The following PARVB variants were observed in gnomAD, a reference collection of about 807,000 sequenced individuals.
PARVB encodes the protein parvin beta.
Under a neutral mutation model 47.0 loss-of-function variants are expected in PARVB, and 46 were observed. The ratio of observed to expected loss-of-function variants is 0.98; its 90% CI spans 0.77 to 1.25. PARVB has a LOEUF of 1.25. PARVB is among the 50% of genes most tolerant of loss of function. The pLI, the probability that PARVB is intolerant of heterozygous loss-of-function variation, is 0.00. For synonymous variants in PARVB, 196 were observed against 196.3 expected, an observed-to-expected ratio of 1.00 and a Z score of 0.01; for missense variants, 473 against 471.6, an observed-to-expected ratio of 1.00 and a Z score of -0.03.
chr22:44,157,288 GC>G (rs2053956360), intron 10 of PARVB, among the ~76,000 whole-genome samples: 1 of 152,134 alleles, frequency 6.6e-6, no homozygotes, highest in Non-Finnish European at 1.5e-5. Context: ...TGTGCCAGGT[GC>G]TCCCTCCCAG....
chr22:44,074,166 G>A (rs1035203769), intron 1 of PARVB, among the ~76,000 whole-genome samples: 9 of 152,180 alleles, frequency 5.9e-5, no homozygotes, highest in Admixed American at 4.6e-4. Flanking sequence ...ACCAGAGGAG[G>A]AGTGGTCCTC....
At chr22:44,121,391 TTTATCATCCGCTGA>T (rs2053044408) in intron 4 of PARVB, among the ~76,000 whole-genome samples, 1 of 152,154 alleles carries the variant, frequency 6.6e-6, no homozygotes, top group African/African-American at 2.4e-5. Context: ...TCCCCATGAT[TTTATCATCCGCTGA>T]TTATCATTCT....
intron 10 of PARVB, 178 bp downstream of exon 10, chr22:44,151,729 T>C: frequency 7.0e-6 from 4 of 574,026 alleles, no homozygotes; most frequent in South Asian, 3.9e-5. Context: ...CTTCCTTTCC[T>C]GGGGCTGCTG....
intron 12 of PARVB, among the ~76,000 whole-genome samples, chr22:44,167,299 A>G (rs1193750045): frequency 6.6e-6 from 1 of 152,188 alleles, no homozygotes; most frequent in Non-Finnish European, 1.5e-5. Context: ...ACTGAGGTTC[A>G]TGGGTCACAG....
At chr22:44,034,673 CTGACCCCCA>C (rs66614442) in intron 1 of PARVB, among the ~76,000 whole-genome samples, 64,516 of 148,364 alleles carry the variant, frequency 0.43, 15,033 homozygotes, top group East Asian at 0.55. Context: ...GAAAGAGGCA[CTGACCCCCA>C]TGCAGTCAGA....
chr22:44,157,941 T>G, intron 10 of PARVB, 41 bp from the exon 11 acceptor site: 1 of 1,470,788 alleles, frequency 6.8e-7, no homozygotes, highest in Non-Finnish European at 9.5e-7. Context: ...ATTTGCCAAC[T>G]CCTTACCCTG....
intron 3 of PARVB, among the ~76,000 whole-genome samples, chr22:44,118,834 T>C (rs1005284835): frequency 2.0e-5 from 3 of 152,014 alleles, no homozygotes; most frequent in African/African-American, 7.2e-5. Flanking sequence ...GTGCAGCCCC[T>C]GTCTCTGTGC....
intron 12 of PARVB, among the ~76,000 whole-genome samples, chr22:44,166,100 C>T (rs996742010): frequency 5.9e-5 from 9 of 152,182 alleles, no homozygotes; most frequent in Non-Finnish European, 1.2e-4. Flanking sequence ...GCTTCTTTGT[C>T]CTCCCGAACC....
At chr22:44,019,092 T>C (rs765581132) in intron 2 of PARVB, among the ~76,000 whole-genome samples, 39 of 152,010 alleles carry the variant, frequency 2.6e-4, no homozygotes, top group Non-Finnish European at 4.6e-4. Flanking sequence ...AATTTTTGTA[T>C]TTTTAGTAGA....
intron 1 of PARVB, among the ~76,000 whole-genome samples, chr22:44,091,330 C>T (rs138849237): frequency 6.6e-5 from 9 of 135,376 alleles, no homozygotes; most frequent in East Asian, 2.2e-4. Flanking sequence ...ATAGGCATAA[C>T]GTAAACTTTA....
intron 3 of PARVB, among the ~76,000 whole-genome samples, chr22:44,117,678 G>A (rs1157192393): frequency 1.3e-5 from 2 of 152,224 alleles, no homozygotes; most frequent in African/African-American, 4.8e-5. Flanking sequence ...AATAGAATGT[G>A]CTTCACAGAA....
intron 6 of PARVB, 97 bp downstream of exon 6, chr22:44,133,106 C>G (rs947706726): frequency 1.4e-6 from 1 of 692,778 alleles, no homozygotes. Flanking sequence ...TTTTTTCCCC[C>G]CAGGAGGCTA....
intron 1 of PARVB, among the ~76,000 whole-genome samples, chr22:44,024,802 T>G (rs2050701910): frequency 6.6e-6 from 1 of 152,030 alleles, no homozygotes; most frequent in Non-Finnish European, 1.5e-5. Flanking sequence ...GACCGTTCAT[T>G]CCATGAGCAG....
intron 11 of PARVB, among the ~76,000 whole-genome samples, chr22:44,159,964 G>A (rs371761377): frequency 2.0e-5 from 3 of 152,198 alleles, no homozygotes; most frequent in South Asian, 4.1e-4. Flanking sequence ...CCAGAGATGC[G>A]TCATGAGCTG....
chr22:44,074,115 CA>C (rs1160953708), intron 1 of PARVB, among the ~76,000 whole-genome samples: 2 of 152,150 alleles, frequency 1.3e-5, no homozygotes, highest in Non-Finnish European at 2.9e-5. Context: ...AGGCAGGAGC[CA>C]GGGGTGTGTG....
At chr22:44,134,903 G>A (rs901532976) in intron 6 of PARVB, among the ~76,000 whole-genome samples, 7 of 152,154 alleles carry the variant, frequency 4.6e-5, no homozygotes, top group African/African-American at 1.7e-4. Flanking sequence ...TACAATCCTA[G>A]ACCTGGGCCC....
At chr22:44,019,216 C>T (rs28491733) in intron 2 of PARVB, among the ~76,000 whole-genome samples, 2,286 of 145,858 alleles carry the variant, frequency 0.016, 66 homozygotes, top group African/African-American at 0.055. Context: ...CACGCCTGGC[C>T]TATTTTTATT....
intron 2 of PARVB, among the ~76,000 whole-genome samples, chr22:43,999,853 A>C (rs1603421319): frequency 6.7e-6 from 1 of 150,216 alleles, no homozygotes; most frequent in East Asian, 1.9e-4. Context: ...AAAAAAAAAA[A>C]AAAAACAGCT....
chr22:44,142,684 G>C (rs1196466837), intron 8 of PARVB: 1 of 152,184 alleles, frequency 6.6e-6, no homozygotes, highest in African/African-American at 2.4e-5. Context: ...GGTGTCACAT[G>C]TGAAAAGTGG....
Sources: allele counts gnomAD v4.1 joint callset (sites outside exome capture counted in the v4.1 genomes callset), GRCh38; gene constraint gnomAD v4.1.1; transcripts MANE v1.5; gene names NCBI Gene and HGNC (gene_info 2026-07-23, HGNC 2026-07-21).